Variants in SRGAP3 observed in about 807,000 individuals in gnomAD.
The protein encoded by SRGAP3 is SLIT-ROBO Rho GTPase activating protein 3.
Under a neutral mutation model 121.1 loss-of-function variants are expected in SRGAP3, and 39 were observed. The observed-to-expected ratio is 0.32, with a 90% confidence interval of 0.25 to 0.42. SRGAP3 has a LOEUF of 0.42. SRGAP3 is among the 10% of genes least tolerant of loss of function. The pLI is 1.00. For synonymous variants in SRGAP3, 601 were observed against 570.0 expected (o/e 1.05, Z -0.77); for missense variants, 1,213 against 1,470.6 (o/e 0.82, Z 2.86).
intron 11 of SRGAP3, 82 bp downstream of exon 11, chr3:9,037,981 G>C: frequency 6.3e-7 from 1 of 1,585,042 alleles, no homozygotes; most frequent in Non-Finnish European, 8.7e-7. Flanking sequence ...TGCTTCTCCA[G>C]CTCCTGGCAG....
intron 1 of SRGAP3, among the ~76,000 whole-genome samples, chr3:9,153,361 G>A (rs1313057287): frequency 6.6e-6 from 1 of 152,130 alleles, no homozygotes; most frequent in Non-Finnish European, 1.5e-5. Context: ...TCCTTGAGAG[G>A]CAAATACTAT....
intron 4 of SRGAP3, among the ~76,000 whole-genome samples, chr3:9,079,525 T>C (rs1947137886): frequency 6.6e-6 from 1 of 152,210 alleles, no homozygotes. Context: ...GCCTTGGAGA[T>C]GGCAATGCAG....
chr3:9,344,641 AAAAC>A (rs1209724198), intron 1 of SRGAP3, among the ~76,000 whole-genome samples: 1 of 89,578 alleles, frequency 1.1e-5, no homozygotes, highest in Non-Finnish European at 2.5e-5. Context: ...TCAAAAACAA[AAAAC>A]AAAAAAAAAG....
intron 12 of SRGAP3, among the ~76,000 whole-genome samples, chr3:9,030,318 C>T (rs571628376): frequency 6.6e-5 from 10 of 152,336 alleles, no homozygotes; most frequent in South Asian, 2.1e-4. Context: ...TCTGGGCTGT[C>T]GCTGCTGGGG....
At chr3:9,114,749 G>A (rs1160965629) in intron 2 of SRGAP3, among the ~76,000 whole-genome samples, 1 of 152,206 alleles carries the variant, frequency 6.6e-6, no homozygotes, top group Non-Finnish European at 1.5e-5. Flanking sequence ...CACAGAATGG[G>A]TGGCACCGTG....
chr3:9,338,655 T>A (rs185657941), intron 1 of SRGAP3, among the ~76,000 whole-genome samples: 6 of 152,308 alleles, frequency 3.9e-5, no homozygotes, highest in Admixed American at 3.9e-4. Context: ...AGAAGCACTT[T>A]TAATTATAGT....
intron 18 of SRGAP3, among the ~76,000 whole-genome samples, chr3:9,009,949 C>T (rs1532999): frequency 0.19 from 28,984 of 152,192 alleles, 3,144 homozygotes; most frequent in Non-Finnish European, 0.24. Flanking sequence ...AGGCTTGGCA[C>T]AGAGCAGACC....
chr3:9,025,201 C>A, intron 14 of SRGAP3, 60 bp downstream of exon 14: 1 of 1,574,728 alleles, frequency 6.4e-7, no homozygotes, highest in Admixed American at 1.7e-5. Context: ...CTGAGACACA[C>A]GTGAATATTC....
intron 1 of SRGAP3, among the ~76,000 whole-genome samples, chr3:9,182,314 A>G (rs1187297637): frequency 2.0e-5 from 3 of 152,056 alleles, no homozygotes; most frequent in East Asian, 1.9e-4. Context: ...GCATGTCCTG[A>G]TCCAATATGA....
chr3:9,103,724 T>G (rs1044830608), intron 3 of SRGAP3, among the ~76,000 whole-genome samples: 1 of 152,178 alleles, frequency 6.6e-6, no homozygotes, highest in African/African-American at 2.4e-5. Flanking sequence ...GCTAAATAAC[T>G]TACCCATTTT....
At chr3:9,198,259 T>C (rs1258161975) in intron 1 of SRGAP3, among the ~76,000 whole-genome samples, 1 of 152,246 alleles carries the variant, frequency 6.6e-6, no homozygotes, top group Non-Finnish European at 1.5e-5. Flanking sequence ...TAGCTACATG[T>C]CTCGGGCAAC....
chr3:9,253,718 C>A (rs1954065907), upstream of SRGAP3, among the ~76,000 whole-genome samples: 1 of 152,112 alleles, frequency 6.6e-6, no homozygotes, highest in Non-Finnish European at 1.5e-5. Context: ...TAGTTGATGG[C>A]AGATTTTAAT....
At position 9,315,676 on chromosome 3, in the gene SRGAP3, A is replaced by T. The variant is rs116242771; in HGVS notation, n.442+10334T>A. 3.7e-3 allele frequency among the ~76,000 whole-genome samples: 571 copies of T among 152,314 alleles called. 4 individuals are homozygous for T. The highest frequency in any genetic ancestry group is 0.013 in the African/African-American group (544 of 41,570). On this transcript the variant is annotated intron_variant and non_coding_transcript_variant, in intron 3 of 3. Transcript: ENST00000490889. ...TCTTCTGCCACACTGTACAAAATTC[A>T]AATACATGTAGTGAAATCATATGTT...
intron 1 of SRGAP3, among the ~76,000 whole-genome samples, chr3:9,332,716 C>T (rs1440702885): frequency 1.3e-5 from 2 of 152,118 alleles, no homozygotes; most frequent in Non-Finnish European, 2.9e-5. Context: ...TTAGGATTTT[C>T]TTCCAAGCTT....
intron 3 of SRGAP3, among the ~76,000 whole-genome samples, chr3:9,260,914 TC>T (rs1270010900): frequency 1.3e-5 from 2 of 152,174 alleles, no homozygotes; most frequent in African/African-American, 2.4e-5. Context: ...GGGAGACACC[TC>T]CCAGCAGGGG....
intron 9 of SRGAP3, chr3:9,049,522 G>A (rs755325965): frequency 1.7e-4 from 77 of 455,790 alleles, no homozygotes; most frequent in Admixed American, 5.9e-4. Context: ...TGGGTACCTC[G>A]GGCAGATTAC....
rs80239296 is a variant in SRGAP3 at position 9,057,789 on chromosome 3, T to C, written c.1023+462A>G. 9.7e-3 allele frequency among the ~76,000 whole-genome samples: 1,483 copies of C among 152,302 alleles called. 41 individuals are homozygous for C. The highest frequency in any genetic ancestry group is 0.034 in the African/African-American group (1,418 of 41,560). ...TTTTTCGTTTGTTTTATTCAGAATA[T>C]AACAAGGATCTGAGCAGCACAAGCA... is the stretch of plus-strand genomic sequence containing the variant. On this transcript the variant is annotated intron_variant, in intron 7 of 21. Transcript: ENST00000383836.
chr3:9,357,383 C>T (rs2030572337), intron 1 of SRGAP3, among the ~76,000 whole-genome samples: 1 of 151,990 alleles, frequency 6.6e-6, no homozygotes, highest in African/African-American at 2.4e-5. Context: ...CAACGAAAGA[C>T]ATGTGGTCTT....
At chr3:9,156,812 G>A (rs1360434611) in intron 1 of SRGAP3, among the ~76,000 whole-genome samples, 1 of 152,172 alleles carries the variant, frequency 6.6e-6, no homozygotes, top group Non-Finnish European at 1.5e-5. Flanking sequence ...TTCTGGGAGG[G>A]TGACAGCAGT....
Sources: gnomAD v4.1 joint callset for allele counts (sites outside exome capture counted in the v4.1 genomes callset) on GRCh38, gnomAD v4.1.1 for gene constraint, MANE v1.5 for transcripts, NCBI Gene and HGNC (gene_info 2026-07-23, HGNC 2026-07-21) for gene names.